The following ACACA variants were observed in gnomAD, a reference collection of about 807,000 sequenced individuals.
ACACA encodes the protein acetyl-CoA carboxylase 1.
Under a neutral mutation model 296.1 loss-of-function variants are expected in ACACA, and 103 were observed. That is an observed-to-expected ratio of 0.35 (90% CI 0.30 to 0.41). The LOEUF (loss-of-function observed/expected upper bound fraction) is 0.41. ACACA is among the 10% of genes least tolerant of loss of function. ACACA has a pLI of 1.00. For synonymous variants in ACACA, 953 were observed against 1,038.6 expected, an observed-to-expected ratio of 0.92 and a Z score of 1.58; for missense variants, 1,554 against 2,989.7, an observed-to-expected ratio of 0.52 and a Z score of 11.20.
intron 29 of ACACA, 164 bp downstream of exon 29, chr17:37,221,560 C>G: frequency 1.4e-6 from 1 of 711,542 alleles, no homozygotes; most frequent in Non-Finnish European, 2.6e-6. Context: ...CTCTTTAGAT[C>G]AAAGAAGTGG....
intron 43 of ACACA, among the ~76,000 whole-genome samples, chr17:37,151,630 TAGAA>T (rs1357198439): frequency 1.3e-5 from 2 of 152,244 alleles, no homozygotes; most frequent in African/African-American, 4.8e-5. Context: ...CATGGTTTAA[TAGAA>T]AGAGCGAAAT....
chr17:37,256,766 A>G (rs2081246314), intron 14 of ACACA, among the ~76,000 whole-genome samples: 1 of 152,228 alleles, frequency 6.6e-6, no homozygotes, highest in African/African-American at 2.4e-5. Context: ...TGATAAAAAT[A>G]TAAAACTAAT....
chr17:37,301,953 CT>C (rs2083638116), intron 3 of ACACA, among the ~76,000 whole-genome samples: 1 of 151,996 alleles, frequency 6.6e-6, no homozygotes, highest in Admixed American at 6.6e-5. Flanking sequence ...TGGACTGCCT[CT>C]CCATTTATTT....
chr17:37,354,749 A>AC (rs144335497), intron 1 of ACACA, among the ~76,000 whole-genome samples: 1,720 of 151,626 alleles, frequency 0.011, 35 homozygotes, highest in African/African-American at 0.037. Context: ...GTAAAGCGAG[A>AC]CCCCCACTCC....
intron 31 of ACACA, 93 bp downstream of exon 31, chr17:37,207,564 G>A (rs957310155): frequency 6.2e-5 from 92 of 1,480,630 alleles, no homozygotes; most frequent in Admixed American, 7.1e-5. Flanking sequence ...ATGGCTATTC[G>A]GGAGACCTTT....
chr17:37,108,468 A>G (rs1021894779), intron 52 of ACACA, among the ~76,000 whole-genome samples: 2 of 151,772 alleles, frequency 1.3e-5, no homozygotes, highest in African/African-American at 4.8e-5. Flanking sequence ...GGCTCACTGC[A>G]ACCTCCACCT....
intron 1 of ACACA, among the ~76,000 whole-genome samples, chr17:37,349,538 T>C (rs12951195): frequency 0.026 from 3,898 of 147,224 alleles, 104 homozygotes; most frequent in African/African-American, 0.056. Context: ...TGTGCGCGCG[T>C]GTGTGTGTGT....
At chr17:37,297,245 C>G (rs2083385261) in intron 3 of ACACA, among the ~76,000 whole-genome samples, 2 of 150,912 alleles carry the variant, frequency 1.3e-5, no homozygotes, top group African/African-American at 4.9e-5. Context: ...AGTTCGAGAC[C>G]AGTCTGACCA....
intron 25 of ACACA, among the ~76,000 whole-genome samples, chr17:37,234,044 A>C (rs916055776): frequency 1.2e-4 from 18 of 152,234 alleles, no homozygotes; most frequent in African/African-American, 3.9e-4. Context: ...CTTCATTCTG[A>C]AGAAATAAAA....
In ACACA at chr17:37,244,594, G is replaced by A; in HGVS notation, c.2736C>T (p.Ser912=). Residue 912 remains serine (S), a synonymous_variant, in exon 21 of 56, where the codon AGC becomes AGT. Transcript: ENST00000616317. The part of the protein sequence containing the change: ...NGYCLPDPFF[S]SKVKDWVERL... ...CAGGAGACGTGATACATACCTTGCTGCTAAAGAAAGGATCTGGAAGGCAGT... is the reference window on the plus strand; with the variant it reads ...CAGGAGACGTGATACATACCTTGCTACTAAAGAAAGGATCTGGAAGGCAGT... 2 of 1,614,100 alleles carry A rather than the reference G, an allele frequency of 1.2e-6. No individual in the cohort carries two copies. Among genetic ancestry groups the A allele is most frequent in the Non-Finnish European group, 1.7e-6 (2 of 1,179,984 alleles).
chr17:37,096,372 T>A (rs1476808189), intron 54 of ACACA, among the ~76,000 whole-genome samples: 2 of 152,172 alleles, frequency 1.3e-5, no homozygotes, highest in East Asian at 3.8e-4. Context: ...TTGCAGGATG[T>A]TCCTTTGATG....
chr17:37,291,270 G>A (rs1019402477), intron 3 of ACACA, among the ~76,000 whole-genome samples: 1 of 151,630 alleles, frequency 6.6e-6, no homozygotes, highest in African/African-American at 2.4e-5. Flanking sequence ...CCACCTCCTG[G>A]GTTCAAGCGA....
chr17:37,336,339 C>T lies in ACACA; in HGVS notation c.85+3465G>A, dbSNP rs547176298. On this transcript the variant is annotated intron_variant, in intron 2 of 55. Coordinates refer to ENST00000616317, the MANE Select transcript of ACACA (RefSeq NM_198834.3). ...CCTCCCCAACAGCAGTTGGGTTTTC[C>T]TGTTGAGAGGGGGGACTGAGAGACA... 1.1e-4 allele frequency among the ~76,000 whole-genome samples: 16 copies of T among 152,196 alleles called. No individual in the cohort carries two copies. The South Asian group carries it at 3.1e-3, about 30-fold the overall frequency.
intron 3 of ACACA, among the ~76,000 whole-genome samples, chr17:37,321,754 AT>A (rs1228700329): frequency 1.3e-5 from 2 of 151,718 alleles, no homozygotes; most frequent in Non-Finnish European, 2.9e-5. Flanking sequence ...TCTCAAAAAA[AT>A]AAATAAATAA....
intron 1 of ACACA, chr17:37,388,862 C>T: frequency 1.3e-6 from 2 of 1,563,680 alleles, no homozygotes; most frequent in Non-Finnish European, 1.7e-6. Flanking sequence ...CCAGAGGCAG[C>T]TTGGCATAAG....
intron 35 of ACACA, 186 bp from the exon 36 acceptor site, chr17:37,193,601 C>T: frequency 2.1e-6 from 1 of 475,920 alleles, no homozygotes; most frequent in Non-Finnish European, 3.8e-6. Context: ...ACCCCATTTC[C>T]AAATTTGAGA....
At chr17:37,350,400 G>A (rs543106658) in intron 1 of ACACA, among the ~76,000 whole-genome samples, 52 of 149,264 alleles carry the variant, frequency 3.5e-4, no homozygotes, top group South Asian at 2.1e-4. Context: ...CATGCCTGTA[G>A]TCCCAGCTAC....
At chr17:37,256,642 G>A (rs1276591114) in intron 14 of ACACA, among the ~76,000 whole-genome samples, 2 of 152,148 alleles carry the variant, frequency 1.3e-5, no homozygotes, top group Non-Finnish European at 2.9e-5. Flanking sequence ...TGAGGCAAAA[G>A]GATTGCTTGA....
At chr17:37,369,183 T>C (rs1049764843) in intron 1 of ACACA, among the ~76,000 whole-genome samples, 1 of 152,176 alleles carries the variant, frequency 6.6e-6, no homozygotes, top group Admixed American at 6.6e-5. Flanking sequence ...AAAAAATGTA[T>C]GTTTCCTGCT....
Sources: gnomAD v4.1 joint callset for allele counts (sites outside exome capture counted in the v4.1 genomes callset) on GRCh38, gnomAD v4.1.1 for gene constraint, MANE v1.5 for transcripts, NCBI Gene and HGNC (gene_info 2026-07-23, HGNC 2026-07-21) for gene names.